RPTOR: variants seen among roughly 807,000 people sequenced by gnomAD.
The protein encoded by RPTOR is regulatory associated protein of MTOR complex 1.
Under a neutral mutation model 169.9 loss-of-function variants are expected in RPTOR, and 21 were observed. That is an observed-to-expected ratio of 0.12 (90% CI 0.09 to 0.18). The LOEUF is 0.18. Among genes scored for constraint, RPTOR ranks in the 10% least tolerant of loss-of-function variants. The pLI is 1.00. For synonymous variants in RPTOR, 732 were observed against 753.2 expected (o/e 0.97, Z 0.46); for missense variants, 1,133 against 1,855.9 (o/e 0.61, Z 7.16).
intron 6 of RPTOR, among the ~76,000 whole-genome samples, chr17:80,760,300 C>CT (rs1479994551): frequency 0.47 from 44,687 of 95,612 alleles, 12,919 homozygotes; most frequent in East Asian, 0.76. Flanking sequence ...TTTCTTTTTT[C>CT]TTTTTTCTTT....
intron 4 of RPTOR, among the ~76,000 whole-genome samples, chr17:80,725,333 A>T (rs535931342): frequency 4.1e-4 from 62 of 152,376 alleles, no homozygotes; most frequent in African/African-American, 1.5e-3. Flanking sequence ...TGAAGAAATT[A>T]TCTAAAACCC....
chr17:80,663,959 T>C (rs939863522), intron 3 of RPTOR, among the ~76,000 whole-genome samples: 1 of 152,168 alleles, frequency 6.6e-6, no homozygotes, highest in African/African-American at 2.4e-5. Flanking sequence ...CTCCCACTGC[T>C]CTGCATCTTC....
At chr17:80,926,752 T>C (rs1317213172) in intron 24 of RPTOR, among the ~76,000 whole-genome samples, 1 of 152,202 alleles carries the variant, frequency 6.6e-6, no homozygotes, top group Non-Finnish European at 1.5e-5. Flanking sequence ...CAGACACAGA[T>C]GTGCATACGA....
intron 10 of RPTOR, among the ~76,000 whole-genome samples, chr17:80,842,223 G>T (rs2067679152): frequency 6.6e-6 from 1 of 152,218 alleles, no homozygotes. Flanking sequence ...AGGGAATTCT[G>T]TGATATTGGT....
chr17:80,756,235 T>C (rs1179858520), intron 6 of RPTOR, among the ~76,000 whole-genome samples: 1 of 152,210 alleles, frequency 6.6e-6, no homozygotes, highest in Non-Finnish European at 1.5e-5. Context: ...CCTTGTGTTA[T>C]CTTGCCCTTC....
In RPTOR at chr17:80,609,188, C is replaced by G. The variant is rs542409143; in HGVS notation, c.163-16503C>G. Among the ~76,000 whole-genome samples, 80 of 152,282 alleles carry G rather than the reference C, an allele frequency of 5.3e-4. No individual in the cohort carries two copies. The highest frequency in any genetic ancestry group is 1.8e-3 in the African/African-American group (73 of 41,554). On this transcript the variant is annotated intron_variant, in intron 1 of 33. Transcript: ENST00000306801. This position sits in a 1 kb window ranked among gnomAD's most constrained non-coding sequence, Gnocchi z 4.8. ...CGGGGAGCACATGCGGCGTGCAGAC[C>G]TTTCCTTAGGTTTGTGCTGGGTGCT...
At position 80,742,500 on chromosome 17, in the gene RPTOR, TACAC is replaced by T. The variant is rs1273065408; in HGVS notation, c.655-11508_655-11505del. On this transcript the variant is annotated intron_variant, in intron 5 of 33. Coordinates refer to ENST00000306801, the MANE Select transcript of RPTOR (RefSeq NM_020761.3). ...ACATGCACATACAGACATGTACACA[TACAC>T]ATGCACATAGACAACACATGCACAC... Among the ~76,000 whole-genome samples the T allele has an allele frequency of 2.6e-5, 4 of 151,708 alleles. No individual in the cohort carries two copies. The East Asian group carries it at 7.7e-4, about 29-fold the overall frequency.
intron 7 of RPTOR, among the ~76,000 whole-genome samples, chr17:80,821,203 G>GA (rs1376626617): frequency 2.0e-5 from 3 of 152,214 alleles, no homozygotes; most frequent in African/African-American, 7.2e-5. Flanking sequence ...AGGATCCCTT[G>GA]AGCCTAGGAG....
chr17:80,854,787 A>G (rs2067834971), intron 11 of RPTOR, among the ~76,000 whole-genome samples: 1 of 152,168 alleles, frequency 6.6e-6, no homozygotes, highest in Middle Eastern at 3.2e-3. Flanking sequence ...CTAGCTACTC[A>G]GGGTTTGAGG....
At chr17:80,694,838 T>C (rs1239783393) in intron 3 of RPTOR, among the ~76,000 whole-genome samples, 1 of 152,204 alleles carries the variant, frequency 6.6e-6, no homozygotes, top group Non-Finnish European at 1.5e-5. Context: ...CTGGCACTCA[T>C]GGGCATGTTG....
chr17:80,865,624 A>G (rs759408521), intron 13 of RPTOR, among the ~76,000 whole-genome samples: 1 of 152,176 alleles, frequency 6.6e-6, no homozygotes, highest in African/African-American at 2.4e-5. Flanking sequence ...CTAAATGTCT[A>G]TTCACCTAAT....
At chr17:80,849,720 A>G (rs1215773835) in intron 11 of RPTOR, among the ~76,000 whole-genome samples, 2 of 152,170 alleles carry the variant, frequency 1.3e-5, no homozygotes, top group African/African-American at 2.4e-5. Flanking sequence ...AGGTTTCACC[A>G]TCTTGGCCAG....
At chr17:80,872,748 A>G (rs2068065248) in intron 13 of RPTOR, among the ~76,000 whole-genome samples, 1 of 152,180 alleles carries the variant, frequency 6.6e-6, no homozygotes, top group Non-Finnish European at 1.5e-5. Context: ...GAGCCCTGGC[A>G]GGGGTGACGG....
intron 2 of RPTOR, among the ~76,000 whole-genome samples, chr17:80,631,260 G>A (rs1303340992): frequency 2.6e-5 from 4 of 151,994 alleles, no homozygotes; most frequent in African/African-American, 9.7e-5. Context: ...TGCTTCCTAG[G>A]GGAGGAGGTC....
chr17:80,706,461 G>A (rs955373173), intron 3 of RPTOR, among the ~76,000 whole-genome samples: 14 of 152,180 alleles, frequency 9.2e-5, no homozygotes, highest in South Asian at 6.2e-4. Flanking sequence ...CCTCACTCAG[G>A]TTCTCTGGAA....
At chr17:80,935,502 A>T (rs1249258041) in intron 24 of RPTOR, among the ~76,000 whole-genome samples, 4 of 152,202 alleles carry the variant, frequency 2.6e-5, no homozygotes, top group Admixed American at 2.6e-4. Context: ...GAAAGGTTAG[A>T]TGCGTAGATC....
intron 3 of RPTOR, among the ~76,000 whole-genome samples, chr17:80,682,766 T>G (rs1451118676): frequency 6.6e-6 from 1 of 152,098 alleles, no homozygotes; most frequent in African/African-American, 2.4e-5. Context: ...ATAACATTGA[T>G]TCAGTCCTGT....
intron 5 of RPTOR, among the ~76,000 whole-genome samples, chr17:80,752,240 A>G (rs1016755524): frequency 2.6e-5 from 4 of 152,016 alleles, no homozygotes; most frequent in Non-Finnish European, 5.9e-5. Flanking sequence ...TCTCCCCACA[A>G]CAAAGGACCA....
intron 31 of RPTOR, 122 bp downstream of exon 31, chr17:80,961,602 T>G (rs756676171): frequency 1.8e-6 from 2 of 1,118,128 alleles, no homozygotes; most frequent in Admixed American, 2.3e-5. Context: ...AGTAATTAAC[T>G]CCTGCCCTGG....
Sources: gnomAD v4.1 joint callset for allele counts (sites outside exome capture counted in the v4.1 genomes callset) on GRCh38, gnomAD v4.1.1 for gene constraint, Gnocchi (gnomAD v3.1) non-coding constraint, MANE v1.5 for transcripts, NCBI Gene and HGNC (gene_info 2026-07-23, HGNC 2026-07-21) for gene names.